LRRTM3: variants seen among roughly 807,000 people sequenced by gnomAD.
LRRTM3 encodes the protein leucine-rich repeat transmembrane neuronal protein 3.
Under a neutral mutation model 44.7 loss-of-function variants are expected in LRRTM3, and 24 were observed. The ratio of observed to expected loss-of-function variants is 0.54; its 90% CI spans 0.39 to 0.76. LRRTM3 has a LOEUF of 0.76. Ranked by LOEUF, LRRTM3 falls within the 30% of genes least tolerant of loss-of-function variation. The pLI, the probability that LRRTM3 is intolerant of heterozygous loss-of-function variation, is 0.00. For synonymous variants in LRRTM3, 277 were observed against 278.7 expected, an observed-to-expected ratio of 0.99 and a Z score of 0.06; for missense variants, 587 against 702.2, an observed-to-expected ratio of 0.84 and a Z score of 1.85.
intron 2 of LRRTM3, among the ~76,000 whole-genome samples, chr10:67,060,910 T>C (rs532453710): frequency 2.6e-5 from 4 of 152,324 alleles, no homozygotes; most frequent in East Asian, 3.9e-4. Flanking sequence ...CAGTGCAGCA[T>C]AGACTAGCCT....
intron 2 of LRRTM3, among the ~76,000 whole-genome samples, chr10:67,012,705 C>T (rs899469977): frequency 5.9e-5 from 9 of 152,004 alleles, no homozygotes; most frequent in South Asian, 2.1e-4. Flanking sequence ...AATGTAATCA[C>T]GTCTTTGATG....
At chr10:67,061,700 C>A (rs551326417) in intron 2 of LRRTM3, among the ~76,000 whole-genome samples, 38 of 152,154 alleles carry the variant, frequency 2.5e-4, no homozygotes, top group African/African-American at 9.2e-4. Flanking sequence ...GAAAGAGAAA[C>A]GATATTTCAG....
chr10:66,944,832 T>G (rs1252275254), intron 2 of LRRTM3, among the ~76,000 whole-genome samples: 1 of 152,200 alleles, frequency 6.6e-6, no homozygotes, highest in Admixed American at 6.6e-5. Context: ...TATATGTCCA[T>G]CAGAGCTCTT....
At chr10:67,054,085 AAAGT>A (rs1272164001) in intron 2 of LRRTM3, among the ~76,000 whole-genome samples, 3 of 152,188 alleles carry the variant, frequency 2.0e-5, no homozygotes, top group Admixed American at 6.5e-5. Context: ...TACCGTTTCA[AAAGT>A]AAGCAGCTTA....
chr10:66,973,331 TC>T (rs1849830551), intron 2 of LRRTM3, among the ~76,000 whole-genome samples: 1 of 152,192 alleles, frequency 6.6e-6, no homozygotes, highest in Non-Finnish European at 1.5e-5. Context: ...ACTAGGACTT[TC>T]CACATTTTTG....
intron 2 of LRRTM3, among the ~76,000 whole-genome samples, chr10:66,931,192 TA>T (rs3056552): frequency 0.16 from 18,363 of 118,428 alleles, 1,319 homozygotes; most frequent in East Asian, 0.32. Flanking sequence ...TGACAACAGT[TA>T]AAAAAAAAAA....
Position 67,100,914 on chromosome 10 carries a change from G to C in LRRTM3, c.*3118G>C, listed in dbSNP as rs1858299967. Reference sequence around the variant, plus strand: ...ACTGTACTAAAAGATTTCTTTCTCTGATCAGAGCAAGAGAACTTCCAGAGA... The same window carrying C: ...ACTGTACTAAAAGATTTCTTTCTCTCATCAGAGCAAGAGAACTTCCAGAGA... On this transcript the variant is annotated 3_prime_UTR_variant, in exon 3 of 3. Coordinates refer to ENST00000361320, the MANE Select transcript of LRRTM3 (RefSeq NM_178011.5). Among the ~76,000 whole-genome samples, 1 of 151,556 alleles carries C rather than the reference G, an allele frequency of 6.6e-6. No individual in the cohort carries two copies. The highest frequency in any genetic ancestry group is 2.1e-4 in the South Asian group (1 of 4,818).
intron 2 of LRRTM3, among the ~76,000 whole-genome samples, chr10:67,088,875 A>G (rs1857458185): frequency 1.3e-5 from 2 of 152,108 alleles, no homozygotes; most frequent in South Asian, 4.1e-4. Context: ...TTCTACATCC[A>G]TAAACTCAAC....
chr10:67,065,932 G>C (rs1856043958), intron 2 of LRRTM3, among the ~76,000 whole-genome samples: 1 of 99,082 alleles, frequency 1.0e-5, no homozygotes, highest in Non-Finnish European at 2.1e-5. Context: ...CAATCAGGCT[G>C]CCATTCAAAA....
chr10:67,086,589 G>A (rs1317508397), intron 2 of LRRTM3, among the ~76,000 whole-genome samples: 1 of 151,942 alleles, frequency 6.6e-6, no homozygotes, highest in African/African-American at 2.4e-5. Context: ...GTTTTATAAA[G>A]AATGTGAAGA....
chr10:67,002,090 T>G (rs1234868766), intron 2 of LRRTM3, among the ~76,000 whole-genome samples: 3 of 152,140 alleles, frequency 2.0e-5, no homozygotes, highest in Non-Finnish European at 4.4e-5. Context: ...TTTCTTCACC[T>G]AAAAAAATGA....
At chr10:67,071,746 T>C (rs115176166) in intron 2 of LRRTM3, among the ~76,000 whole-genome samples, 1,610 of 152,272 alleles carry the variant, frequency 0.011, 27 homozygotes, top group African/African-American at 0.037. Context: ...TTTTTACTTA[T>C]GTTTAAAAAA....
chr10:67,062,098 T>TTA (rs879524685), intron 2 of LRRTM3, among the ~76,000 whole-genome samples: 12 of 152,094 alleles, frequency 7.9e-5, no homozygotes, highest in South Asian at 2.1e-4. Flanking sequence ...ATGAACCACT[T>TTA]TATATATATA....
At chr10:66,978,893 A>G (rs1407278793) in intron 2 of LRRTM3, among the ~76,000 whole-genome samples, 1 of 151,150 alleles carries the variant, frequency 6.6e-6, no homozygotes, top group Non-Finnish European at 1.5e-5. Flanking sequence ...ATTTGAAGGA[A>G]GCCATTACTA....
intron 2 of LRRTM3, among the ~76,000 whole-genome samples, chr10:67,078,196 A>G (rs182099417): frequency 6.2e-4 from 94 of 152,296 alleles, no homozygotes; most frequent in Admixed American, 3.2e-3. Context: ...TCTTTGCTTG[A>G]TCTCAGTAAA....
rs1274224595 is a variant in LRRTM3, at chr10:67,101,498, T to G, written c.*3702T>G. Among the ~76,000 whole-genome samples, 1 of 151,772 alleles carries G rather than the reference T, an allele frequency of 6.6e-6. No individual in the cohort carries two copies. Among genetic ancestry groups the G allele is most frequent in the Non-Finnish European group, 1.5e-5 (1 of 67,822 alleles). ...AATATAATTTATCCAAATTGATGTA[T>G]AGAACCTAAAACATATGCTAACTTG... On this transcript the variant is annotated 3_prime_UTR_variant, in exon 3 of 3. Coordinates refer to ENST00000361320, the MANE Select transcript of LRRTM3 (RefSeq NM_178011.5).
At chr10:67,063,705 G>A (rs1366271125) in intron 2 of LRRTM3, among the ~76,000 whole-genome samples, 2 of 152,174 alleles carry the variant, frequency 1.3e-5, no homozygotes, top group African/African-American at 4.8e-5. Context: ...CAGATAATTG[G>A]CATGAGCCAA....
intron 2 of LRRTM3, among the ~76,000 whole-genome samples, chr10:66,948,945 A>T (rs1411421429): frequency 6.6e-6 from 1 of 152,202 alleles, no homozygotes; most frequent in Admixed American, 6.5e-5. Context: ...GAACAAAGAC[A>T]TAATTCCAGA....
chr10:67,097,934 T>C lies in LRRTM3; in HGVS notation c.*138T>C, dbSNP rs1679293355. ...GTTCAAATAAACAAAAAATCCAAGA[T>C]TGATTCATGAAATAAAGAAGACATG... On this transcript the variant is annotated 3_prime_UTR_variant, in exon 3 of 3. Transcript: ENST00000361320. 3 of 701,266 alleles carry C rather than the reference T, an allele frequency of 4.3e-6. No individual in the cohort carries two copies. Among genetic ancestry groups the C allele is most frequent in the Admixed American group, 2.8e-5 (1 of 35,726 alleles). The allele number at this position is 701,266 out of a possible 1,614,324, so 43.4% of individuals were successfully genotyped here.
Sources: allele counts gnomAD v4.1 joint callset (sites outside exome capture counted in the v4.1 genomes callset), GRCh38; gene constraint gnomAD v4.1.1; transcripts MANE v1.5; gene names NCBI Gene and HGNC (gene_info 2026-07-23, HGNC 2026-07-21).